Variants in CNTNAP5 observed in about 807,000 individuals in gnomAD.
CNTNAP5 encodes contactin associated protein family member 5, also known as contactin-associated protein-like 5.
CNTNAP5 carries 72 observed loss-of-function variants against 150.2 expected under a neutral mutation model. The ratio of observed to expected loss-of-function variants is 0.48; its 90% CI spans 0.40 to 0.58. CNTNAP5 has a LOEUF of 0.58. Among genes scored for constraint, CNTNAP5 ranks in the 20% least tolerant of loss-of-function variants. CNTNAP5 has a pLI of 0.00. For synonymous variants in CNTNAP5, 672 were observed against 619.8 expected (o/e 1.08, Z -1.25); for missense variants, 1,636 against 1,626.2 (o/e 1.01, Z -0.10).
At chr2:124,370,838 T>C (rs959515657) in intron 3 of CNTNAP5, among the ~76,000 whole-genome samples, 2 of 152,124 alleles carry the variant, frequency 1.3e-5, no homozygotes, top group African/African-American at 2.4e-5. Context: ...GAGAAAAACA[T>C]GCACATTTAT....
chr2:124,786,418 G>A lies in CNTNAP5; in HGVS notation c.2753-3484G>A, dbSNP rs866738942. On this transcript the variant is annotated intron_variant, in intron 17 of 23. Coordinates refer to ENST00000682447, the MANE Select transcript of CNTNAP5 (RefSeq NM_001367498.1). The stretch of plus-strand genomic sequence containing the variant: ...AAGAAAGAAGGAAGGAAGGAAGGAA[G>A]GAAGGAAGGAAGGAAGGAAGGAAGG... Among the ~76,000 whole-genome samples, 365 of 95,364 alleles carry A rather than the reference G, an allele frequency of 3.8e-3. 2 individuals are homozygous for A. Among genetic ancestry groups the A allele is most frequent in the African/African-American group, 0.016 (317 of 19,262 alleles). 62.6% of individuals were successfully genotyped at this position (95,364 alleles called of 152,430 possible). A position where few individuals can be genotyped will look rare whatever the true frequency, so the allele number is the denominator to read the frequency against.
At chr2:124,155,413 T>C (rs959009446) in intron 1 of CNTNAP5, among the ~76,000 whole-genome samples, 5 of 152,106 alleles carry the variant, frequency 3.3e-5, no homozygotes, top group Admixed American at 1.3e-4. Flanking sequence ...GTTGGAAATA[T>C]ACAGGGCAGC....
chr2:124,244,016 T>C (rs955497686), intron 3 of CNTNAP5, among the ~76,000 whole-genome samples: 12 of 152,158 alleles, frequency 7.9e-5, no homozygotes, highest in African/African-American at 1.9e-4. Context: ...TTTTTTGTTT[T>C]CTCTGGTACT....
chr2:124,408,486 C>T (rs1482500491), intron 3 of CNTNAP5, among the ~76,000 whole-genome samples: 3 of 152,146 alleles, frequency 2.0e-5, no homozygotes, highest in Admixed American at 2.0e-4. Context: ...ATGTCTCTGT[C>T]TGACAGCTTT....
chr2:124,262,482 C>T (rs1182113004), intron 3 of CNTNAP5, among the ~76,000 whole-genome samples: 1 of 152,128 alleles, frequency 6.6e-6, no homozygotes, highest in Non-Finnish European at 1.5e-5. Flanking sequence ...CAGCATCATT[C>T]TGTAAACTTA....
At chr2:124,391,332 A>C (rs1691103992) in intron 3 of CNTNAP5, among the ~76,000 whole-genome samples, 1 of 152,194 alleles carries the variant, frequency 6.6e-6, no homozygotes, top group Non-Finnish European at 1.5e-5. Context: ...TTAGAATATA[A>C]AATTTAGAAA....
chr2:124,104,201 G>C (rs1345490314), intron 1 of CNTNAP5, among the ~76,000 whole-genome samples: 1 of 151,100 alleles, frequency 6.6e-6, no homozygotes, highest in Non-Finnish European at 1.5e-5. Context: ...TTTCATTTTT[G>C]AAGGAAAAAA....
intron 6 of CNTNAP5, among the ~76,000 whole-genome samples, chr2:124,451,978 A>G (rs1692993157): frequency 6.6e-6 from 1 of 152,154 alleles, no homozygotes. Flanking sequence ...AGAAAAGGCC[A>G]TAGGGAGAAG....
intron 3 of CNTNAP5, among the ~76,000 whole-genome samples, chr2:124,260,514 A>G (rs913572058): frequency 5.9e-5 from 9 of 152,236 alleles, no homozygotes; most frequent in Non-Finnish European, 1.3e-4. Context: ...AAAATTGACA[A>G]ATGGGATCTA....
chr2:124,616,792 T>C (rs963928497), intron 12 of CNTNAP5, among the ~76,000 whole-genome samples: 9 of 152,154 alleles, frequency 5.9e-5, no homozygotes, highest in Non-Finnish European at 1.2e-4. Flanking sequence ...ATTTTGATAT[T>C]GTTCCATCTC....
At chr2:124,690,356 T>C (rs1273759123) in intron 13 of CNTNAP5, among the ~76,000 whole-genome samples, 1 of 152,050 alleles carries the variant, frequency 6.6e-6, no homozygotes, top group Non-Finnish European at 1.5e-5. Context: ...TCTAAACCAG[T>C]CTCCAGAAGC....
At chr2:124,508,568 A>G (rs748245336) in intron 8 of CNTNAP5, among the ~76,000 whole-genome samples, 6 of 152,288 alleles carry the variant, frequency 3.9e-5, no homozygotes, top group South Asian at 4.1e-4. Flanking sequence ...ATTAAAATGC[A>G]TTTATGACTG....
At chr2:124,807,618 G>A (rs1319112787) in intron 19 of CNTNAP5, among the ~76,000 whole-genome samples, 1 of 152,150 alleles carries the variant, frequency 6.6e-6, no homozygotes, top group African/African-American at 2.4e-5. Flanking sequence ...AGGGATCAGT[G>A]GGGCTGGAAA....
intron 1 of CNTNAP5, among the ~76,000 whole-genome samples, chr2:124,060,828 T>A (rs1436780802): frequency 6.6e-6 from 1 of 152,220 alleles, no homozygotes; most frequent in Non-Finnish European, 1.5e-5. Flanking sequence ...CTGAAGACTT[T>A]GACCTCATTC....
intron 14 of CNTNAP5, among the ~76,000 whole-genome samples, chr2:124,761,477 T>G (rs1680954680): frequency 6.6e-6 from 1 of 152,056 alleles, no homozygotes; most frequent in Non-Finnish European, 1.5e-5. Context: ...AACTGAAAAT[T>G]TTTACATTAA....
chr2:124,582,727 G>C (rs1696442730), intron 11 of CNTNAP5, among the ~76,000 whole-genome samples: 1 of 152,058 alleles, frequency 6.6e-6, no homozygotes, highest in Non-Finnish European at 1.5e-5. Context: ...AATGAGAAAA[G>C]AAGTCACTAC....
intron 17 of CNTNAP5, among the ~76,000 whole-genome samples, chr2:124,789,377 C>G (rs985779450): frequency 2.6e-5 from 4 of 152,078 alleles, no homozygotes; most frequent in African/African-American, 4.8e-5. Flanking sequence ...GGGTTCCCAG[C>G]CTAGAAGGAC....
At chr2:124,515,728 T>A (rs957108121) in intron 8 of CNTNAP5, among the ~76,000 whole-genome samples, 1 of 152,224 alleles carries the variant, frequency 6.6e-6, no homozygotes, top group African/African-American at 2.4e-5. Flanking sequence ...GAGCAGAGGC[T>A]GGGTATGGAA....
chr2:124,067,467 C>T (rs1379000603), intron 1 of CNTNAP5, among the ~76,000 whole-genome samples: 3 of 152,188 alleles, frequency 2.0e-5, no homozygotes, highest in African/African-American at 7.2e-5. Context: ...TTTAAAATCT[C>T]CCTCTGCCTC....
Sources: allele counts gnomAD v4.1 joint callset (sites outside exome capture counted in the v4.1 genomes callset), GRCh38; gene constraint gnomAD v4.1.1; transcripts MANE v1.5; gene names NCBI Gene and HGNC (gene_info 2026-07-23, HGNC 2026-07-21).